Variants in ZDHHC21 observed in about 807,000 individuals in gnomAD.
The protein encoded by ZDHHC21 is zDHHC palmitoyltransferase 21, also known as palmitoyltransferase ZDHHC21.
A neutral mutation model predicts 34.6 loss-of-function variants in ZDHHC21; 15 were observed. That is an observed-to-expected ratio of 0.43 (90% CI 0.29 to 0.67). The LOEUF (loss-of-function observed/expected upper bound fraction) is 0.67. Ranked by LOEUF, ZDHHC21 falls within the 30% of genes least tolerant of loss-of-function variation. The pLI is 0.14. For synonymous variants in ZDHHC21, 142 were observed against 101.8 expected (o/e 1.40, Z -2.38); for missense variants, 344 against 327.7 (o/e 1.05, Z -0.38).
intron 8 of ZDHHC21, among the ~76,000 whole-genome samples, chr9:14,623,872 G>A (rs1396062528): frequency 6.6e-6 from 1 of 152,028 alleles, no homozygotes; most frequent in Non-Finnish European, 1.5e-5. Flanking sequence ...GGAGAAAAGG[G>A]AACCCTTACA....
chr9:14,599,080 C>A, the ZDHHC21 span, among the ~76,000 whole-genome samples: 287 of 152,208 alleles, frequency 1.9e-3, no homozygotes, highest in African/African-American at 6.5e-3. Flanking sequence ...TGAAATTTAA[C>A]GAAGAGATAA....
chr9:14,661,451 G>T (rs777475812), intron 6 of ZDHHC21, among the ~76,000 whole-genome samples: 2 of 152,122 alleles, frequency 1.3e-5, no homozygotes, highest in African/African-American at 4.8e-5. Context: ...TATGTATACA[G>T]ATACATTTGT....
chr9:14,659,195 C>T (rs1832911605), intron 6 of ZDHHC21, among the ~76,000 whole-genome samples: 1 of 152,114 alleles, frequency 6.6e-6, no homozygotes, highest in African/African-American at 2.4e-5. Flanking sequence ...AACAAAGGAG[C>T]TAAGCCTCTG....
intron 2 of ZDHHC21, among the ~76,000 whole-genome samples, chr9:14,682,687 C>A (rs538490498): frequency 1.3e-5 from 2 of 152,260 alleles, no homozygotes; most frequent in African/African-American, 2.4e-5. Context: ...CCAAGAGGAC[C>A]TAATAGACAT....
chr9:14,678,088 T>C (rs1343715166), intron 3 of ZDHHC21, among the ~76,000 whole-genome samples: 1 of 152,114 alleles, frequency 6.6e-6, no homozygotes, highest in Non-Finnish European at 1.5e-5. Context: ...ACCATTCTGC[T>C]TACTCATCTA....
intron 4 of ZDHHC21, among the ~76,000 whole-genome samples, chr9:14,673,394 T>A (rs1156344370): frequency 6.6e-6 from 1 of 151,972 alleles, no homozygotes; most frequent in African/African-American, 2.4e-5. Flanking sequence ...ATGATTAGTT[T>A]GATAATTAAG....
chr9:14,637,117 T>C (rs1034978557), intron 8 of ZDHHC21, among the ~76,000 whole-genome samples: 4 of 151,714 alleles, frequency 2.6e-5, no homozygotes, highest in Admixed American at 6.6e-5. Flanking sequence ...AGACAAAAAG[T>C]TGGTGTTTTG....
chr9:14,662,218 G>T lies in ZDHHC21; in HGVS notation c.362C>A (p.Pro121Gln), dbSNP rs148945815. The T allele has an allele frequency of 1.4e-5, 22 of 1,596,098 alleles. No individual in the cohort carries two copies. In the African/African-American group the frequency reaches 2.7e-4, roughly 20 times the overall value. Residue 121 changes from proline (P) to glutamine (Q), a missense_variant, in exon 6 of 10, where the codon CCA becomes CAA. Transcript: ENST00000380916. ...HCVRRMDHHCPWINNCVGEDN... is the reference protein window; with the variant it reads ...HCVRRMDHHCQWINNCVGEDN... The stretch of plus-strand genomic sequence containing the variant: ...GCTAGAAGTGAATTATTCTTACCAT[G>T]GACAGTGATGATCCATTCTCCTCAC...
In ZDHHC21 at chr9:14,615,719, G is replaced by A. The variant is rs1824037317; in HGVS notation, c.*3247C>T. 6.6e-6 allele frequency: 1 copy of A among 151,550 alleles called. No homozygotes were observed. The highest frequency in any genetic ancestry group is 1.5e-5 in the Non-Finnish European group (1 of 67,708). The allele number at this position is 151,550 out of a possible 1,614,324, so 9.4% of individuals were successfully genotyped here. On this transcript the variant is annotated 3_prime_UTR_variant, in exon 10 of 10. Transcript: ENST00000380916. ...AAGCCCATAAACATTTTTGTTTGCA[G>A]AAAACAACAATGACAAATATGATTG...
rs1340170211 is a variant in ZDHHC21 at position 14,612,970 on chromosome 9, T to C, written c.*5996A>G. ...TCACTAAAGTGCCCAATAAGCTATA[T>C]AGTTCATTTATATAAATTAGAGTTC... On this transcript the variant is annotated 3_prime_UTR_variant, in exon 10 of 10. Coordinates refer to ENST00000380916, the MANE Select transcript of ZDHHC21 (RefSeq NM_178566.6). The C allele has an allele frequency of 1.3e-5, 2 of 151,808 alleles. No individual in the cohort carries two copies. Among genetic ancestry groups the C allele is most frequent in the Non-Finnish European group, 2.9e-5 (2 of 67,858 alleles). The allele number at this position is 151,808 out of a possible 1,614,324, so 9.4% of individuals were successfully genotyped here. A position where few individuals can be genotyped will look rare whatever the true frequency, so the allele number is the denominator to read the frequency against.
At chr9:14,649,119 A>G (rs1379944840) in intron 7 of ZDHHC21, among the ~76,000 whole-genome samples, 1 of 151,906 alleles carries the variant, frequency 6.6e-6, no homozygotes, top group Non-Finnish European at 1.5e-5. Context: ...CGACAACCAA[A>G]AACATCTCCA....
intron 2 of ZDHHC21, among the ~76,000 whole-genome samples, chr9:14,688,563 A>C (rs1311046907): frequency 1.3e-5 from 2 of 151,142 alleles, no homozygotes; most frequent in African/African-American, 4.9e-5. Context: ...CCACTAGTTA[A>C]AAAACAAACA....
In ZDHHC21 at chr9:14,693,134, C is replaced by T. The variant is rs564590827; in HGVS notation, c.-225+95G>A. 215 of 212,814 alleles carry T rather than the reference C, an allele frequency of 1.0e-3. 1 individual carries two copies. Among genetic ancestry groups the T allele is most frequent in the African/African-American group, 4.9e-3 (201 of 40,952 alleles). 13.2% of individuals were successfully genotyped at this position (212,814 alleles called of 1,614,324 possible). ...CGGCGCGGAGGAGCGGCGGGCGGGC[C>T]CGGCAGAGCGGAGCGGGGGCCGGGG... On this transcript the variant is annotated intron_variant, in intron 1 of 9. Coordinates refer to ENST00000380916, the MANE Select transcript of ZDHHC21 (RefSeq NM_178566.6).
intron 3 of ZDHHC21, among the ~76,000 whole-genome samples, chr9:14,676,189 A>C (rs1466341984): frequency 6.6e-6 from 1 of 152,026 alleles, no homozygotes; most frequent in Non-Finnish European, 1.5e-5. Context: ...AAAAGCCAAA[A>C]TTAGGTTTGC....
chr9:14,634,273 G>C (rs1159140948), intron 8 of ZDHHC21, among the ~76,000 whole-genome samples: 2 of 152,194 alleles, frequency 1.3e-5, no homozygotes, highest in East Asian at 3.9e-4. Context: ...GCAGAGGTTT[G>C]TTCTGCCAAT....
intron 8 of ZDHHC21, among the ~76,000 whole-genome samples, chr9:14,621,588 A>C (rs541573054): frequency 7.9e-5 from 12 of 152,228 alleles, no homozygotes; most frequent in Non-Finnish European, 1.3e-4. Context: ...GGCTGGCCCA[A>C]ATAGGCTATT....
At chr9:14,651,018 A>G (rs1831146592) in intron 7 of ZDHHC21, among the ~76,000 whole-genome samples, 1 of 152,120 alleles carries the variant, frequency 6.6e-6, no homozygotes, top group South Asian at 2.1e-4. Context: ...TTAGAATTAA[A>G]GTGGTATACC....
Position 14,618,444 on chromosome 9 carries a change from C to G in ZDHHC21, c.*522G>C, listed in dbSNP as rs1441366271. 6.6e-6 allele frequency: 1 copy of G among 152,550 alleles called. No individual in the cohort carries two copies. The highest frequency in any genetic ancestry group is 6.6e-5 in the Admixed American group (1 of 15,242). 9.4% of individuals were successfully genotyped at this position (152,550 alleles called of 1,614,324 possible). On this transcript the variant is annotated 3_prime_UTR_variant, in exon 10 of 10. Transcript: ENST00000380916. ...TGTGTTGCTGTTGTTCACTCCTATG[C>G]TGCTGCATTTTTAAAAACGTTGCAG...
At chr9:14,643,401 T>C (rs1829747616) in intron 7 of ZDHHC21, among the ~76,000 whole-genome samples, 1 of 152,192 alleles carries the variant, frequency 6.6e-6, no homozygotes, top group Non-Finnish European at 1.5e-5. Flanking sequence ...ACTAACTCCT[T>C]CTTCATACAT....
Sources: allele counts gnomAD v4.1 joint callset (sites outside exome capture counted in the v4.1 genomes callset), GRCh38; gene constraint gnomAD v4.1.1; transcripts MANE v1.5; gene names NCBI Gene and HGNC (gene_info 2026-07-23, HGNC 2026-07-21).